NELL2: variants seen among roughly 807,000 people sequenced by gnomAD.
The protein encoded by NELL2 is neural EGFL like 2, also known as protein kinase C-binding protein NELL2.
Under a neutral mutation model 109.6 loss-of-function variants are expected in NELL2, and 41 were observed. That is an observed-to-expected ratio of 0.37 (90% CI 0.29 to 0.49). NELL2 has a LOEUF of 0.49. NELL2 is among the 20% of genes least tolerant of loss of function. The pLI is 0.98. For synonymous variants in NELL2, 355 were observed against 344.7 expected (o/e 1.03, Z -0.33); for missense variants, 900 against 1,008.3 (o/e 0.89, Z 1.45).
At chr12:44,644,748 C>T (rs1001635381) in intron 13 of NELL2, among the ~76,000 whole-genome samples, 1 of 150,468 alleles carries the variant, frequency 6.6e-6, no homozygotes, top group Non-Finnish European at 1.5e-5. Flanking sequence ...TATTTATTGG[C>T]TAAATTAATG....
At chr12:44,816,272 TA>T (rs1428703421) in intron 2 of NELL2, 136 bp from the exon 3 acceptor site, 3 of 668,440 alleles carry the variant, frequency 4.5e-6, no homozygotes, top group Non-Finnish European at 7.1e-6. Flanking sequence ...AGACTCTTGG[TA>T]AATTATTTTT....
chr12:44,747,636 A>G (rs1179674450), intron 9 of NELL2, among the ~76,000 whole-genome samples: 1 of 152,068 alleles, frequency 6.6e-6, no homozygotes, highest in African/African-American at 2.4e-5. Flanking sequence ...CCTGACCTCC[A>G]CACTGTTTAA....
intron 2 of NELL2, among the ~76,000 whole-genome samples, chr12:44,853,452 T>A (rs1944589413): frequency 6.6e-6 from 1 of 152,162 alleles, no homozygotes; most frequent in Admixed American, 6.5e-5. Flanking sequence ...CAATTCCTCC[T>A]TTGAGACATT....
intron 15 of NELL2, among the ~76,000 whole-genome samples, chr12:44,556,628 T>C (rs1367734895): frequency 3.3e-5 from 5 of 152,146 alleles, no homozygotes; most frequent in Admixed American, 1.3e-4. Context: ...AGGGGCTTTG[T>C]TAAAGGTACT....
chr12:44,777,370 T>C lies in NELL2; in HGVS notation c.607-56A>G, dbSNP rs185966117. 597 of 1,381,264 alleles carry C rather than the reference T, an allele frequency of 4.3e-4. 3 individuals carry two copies. The African/African-American group carries it at 7.4e-3, about 17-fold the overall frequency. The allele number at this position is 1,381,264 out of a possible 1,614,324, so 85.6% of individuals were successfully genotyped here. On this transcript the variant is annotated intron_variant, in intron 5 of 19. Coordinates refer to ENST00000429094, the MANE Select transcript of NELL2 (RefSeq NM_001145108.2). ...ATTACTTTCATTTACCCAAATTATG[T>C]TCAATGGTCAAGTTCATGAAGGAAA...
intron 13 of NELL2, among the ~76,000 whole-genome samples, chr12:44,645,681 T>G (rs953208821): frequency 2.0e-5 from 3 of 152,210 alleles, no homozygotes; most frequent in Non-Finnish European, 2.9e-5. Flanking sequence ...CAGCCAATCC[T>G]GTAGGCACTT....
intron 13 of NELL2, among the ~76,000 whole-genome samples, chr12:44,621,637 A>G (rs538367747): frequency 6.6e-6 from 1 of 152,320 alleles, no homozygotes; most frequent in East Asian, 1.9e-4. Flanking sequence ...ATTCTAAAAA[A>G]TAAACATTTG....
At chr12:44,891,279 C>T (rs1945531168) in intron 1 of NELL2, among the ~76,000 whole-genome samples, 1 of 152,198 alleles carries the variant, frequency 6.6e-6, no homozygotes, top group African/African-American at 2.4e-5. Flanking sequence ...GACTGGCACC[C>T]AGAAGAGAGG....
chr12:44,536,410 G>T (rs1034097579), intron 15 of NELL2, among the ~76,000 whole-genome samples: 4 of 151,962 alleles, frequency 2.6e-5, no homozygotes, highest in Non-Finnish European at 4.4e-5. Flanking sequence ...GTAAAAAAGA[G>T]TTCAAATAAT....
intron 9 of NELL2, among the ~76,000 whole-genome samples, chr12:44,756,781 T>C (rs947700248): frequency 6.6e-6 from 1 of 152,180 alleles, no homozygotes; most frequent in Non-Finnish European, 1.5e-5. Context: ...CCACTTCTTA[T>C]AGATTTTAAA....
rs374467326 is a variant in NELL2, at chr12:44,772,270, TAC to T, written c.994+2475_994+2476del. On this transcript the variant is annotated intron_variant, in intron 9 of 19. Transcript: ENST00000429094. ...TGTTTCTCCTCACATGCAATGGTGA[TAC>T]ACACACACACGCACAAACACACATA... 5.3e-3 allele frequency among the ~76,000 whole-genome samples: 809 copies of T among 152,128 alleles called. 6 individuals carry two copies. Among genetic ancestry groups the T allele is most frequent in the African/African-American group, 0.018 (764 of 41,534 alleles).
intron 15 of NELL2, among the ~76,000 whole-genome samples, chr12:44,576,523 C>T (rs1019400060): frequency 3.3e-5 from 5 of 151,782 alleles, no homozygotes; most frequent in Non-Finnish European, 5.9e-5. Context: ...TATGATGTAC[C>T]CCTAGAGCCT....
intron 1 of NELL2, chr12:44,875,589 T>C (rs763382957): frequency 1.6e-5 from 26 of 1,613,528 alleles, no homozygotes; most frequent in African/African-American, 4.0e-5. Context: ...CTCTGCAAAG[T>C]TCCCCCTCAG....
Position 44,779,952 on chromosome 12 carries a change from G to A in NELL2, c.406C>T (p.Pro136Ser). Residue 136 changes from proline to serine, a missense_variant, in exon 4 of 20, where the codon CCT (proline) becomes TCT (serine). Transcript: ENST00000429094. ...ATGTAAGGAAACACTTCTGTGTGAG[G>A]GCGGTGACTGCCTGAGCGGTAATGC... is the stretch of plus-strand genomic sequence containing the variant. Reference protein sequence around the residue: ...RLHYRSGSHRPHTEVFPYILA... With the variant: ...RLHYRSGSHRSHTEVFPYILA... 6.2e-7 allele frequency: 1 copy of A among 1,613,906 alleles called. No individual in the cohort carries two copies. The highest frequency in any genetic ancestry group is 8.5e-7 in the Non-Finnish European group (1 of 1,179,826).
intron 9 of NELL2, among the ~76,000 whole-genome samples, chr12:44,758,119 G>A (rs1157083286): frequency 6.6e-6 from 1 of 151,952 alleles, no homozygotes; most frequent in Non-Finnish European, 1.5e-5. Flanking sequence ...ACTGTTTTCA[G>A]CGTAATCTAA....
chr12:44,884,438 T>G (rs1945448899), intron 1 of NELL2, among the ~76,000 whole-genome samples: 1 of 151,998 alleles, frequency 6.6e-6, no homozygotes, highest in Non-Finnish European at 1.5e-5. Context: ...ATCTCTAGTC[T>G]TATCTAGTTT....
chr12:44,768,963 C>G (rs1274620153), intron 9 of NELL2, among the ~76,000 whole-genome samples: 1 of 151,668 alleles, frequency 6.6e-6, no homozygotes, highest in Non-Finnish European at 1.5e-5. Context: ...TTCTTTTTCA[C>G]CATAGCCTAC....
intron 3 of NELL2, among the ~76,000 whole-genome samples, chr12:44,799,776 T>C (rs957689472): frequency 1.3e-5 from 2 of 152,148 alleles, no homozygotes; most frequent in Non-Finnish European, 2.9e-5. Context: ...AGGCATTTAT[T>C]AACTGGGGTG....
chr12:44,522,061 C>T lies in NELL2; in HGVS notation c.2114G>A (p.Gly705Glu). 1 of 1,614,064 alleles carries T rather than the reference C, an allele frequency of 6.2e-7. No homozygotes were observed. Among genetic ancestry groups the T allele is most frequent in the African/African-American group, 1.3e-5 (1 of 75,000 alleles). The change falls in exon 18 of 20, where the codon GGG becomes GAG. Residue 705 changes from glycine (G) to glutamate (E), a missense_variant. Gly to Glu is a moderately conservative substitution (Grantham distance 98, BLOSUM62 -2). Around this residue, in one of 4 missense-constraint regions of NELL2, gnomAD observed 333 missense variants for 432.3 expected, o/e 0.77. Coordinates refer to ENST00000429094, the MANE Select transcript of NELL2 (RefSeq NM_001145108.2). ...GTCACCACTGTTATACAAAGTTTCC[C>T]CATTTTGATGGAGGCACTGACTACT... ...RLSSQCLHQN[G>E]ETLYNSGDTW...
Sources: allele counts gnomAD v4.1 joint callset (sites outside exome capture counted in the v4.1 genomes callset), GRCh38; gene constraint gnomAD v4.1.1; regional missense constraint gnomAD v4.1.1; transcripts MANE v1.5; gene names NCBI Gene and HGNC (gene_info 2026-07-23, HGNC 2026-07-21).